Variants in WWOX observed in about 807,000 individuals in gnomAD.
WWOX encodes WW domain containing oxidoreductase.
In WWOX, 69 loss-of-function variants were observed where a neutral mutation model predicts 46.2. The ratio of observed to expected loss-of-function variants is 1.49; its 90% CI spans 1.23 to 1.82. The LOEUF (loss-of-function observed/expected upper bound fraction) is 1.82. Ranked by LOEUF, WWOX falls within the 40% of genes most tolerant of loss-of-function variation. The pLI, the probability that WWOX is intolerant of heterozygous loss-of-function variation, is 0.00. For synonymous variants in WWOX, 359 were observed against 202.6 expected (o/e 1.77, Z -6.56); for missense variants, 919 against 542.6 (o/e 1.69, Z -6.89).
chr16:78,970,556 C>T (rs1003940909), intron 8 of WWOX, among the ~76,000 whole-genome samples: 1 of 152,086 alleles, frequency 6.6e-6, no homozygotes, highest in Non-Finnish European at 1.5e-5. Flanking sequence ...AGACCCTCAC[C>T]AAGTATGGAA....
intron 8 of WWOX, among the ~76,000 whole-genome samples, chr16:78,661,924 G>C (rs1209695073): frequency 6.6e-6 from 1 of 152,164 alleles, no homozygotes; most frequent in Non-Finnish European, 1.5e-5. Context: ...TGCATCTGTG[G>C]TCTGAGCTAC....
intron 8 of WWOX, among the ~76,000 whole-genome samples, chr16:79,139,662 G>GT (rs1377136981): frequency 6.6e-6 from 1 of 151,584 alleles, no homozygotes; most frequent in Non-Finnish European, 1.5e-5. Flanking sequence ...TTGTTGAAAT[G>GT]TTTTTAAAAT....
intron 8 of WWOX, among the ~76,000 whole-genome samples, chr16:78,686,037 G>C (rs970448219): frequency 1.1e-4 from 17 of 152,148 alleles, no homozygotes; most frequent in African/African-American, 3.6e-4. Context: ...GAAATAAAGA[G>C]AATGAGATAA....
intron 8 of WWOX, among the ~76,000 whole-genome samples, chr16:78,888,218 G>A (rs994279086): frequency 2.6e-5 from 4 of 152,200 alleles, no homozygotes; most frequent in Non-Finnish European, 5.9e-5. Context: ...TACCCAAGGT[G>A]TTGGGCAACT....
chr16:78,332,352 G>A (rs2080778367), intron 5 of WWOX, among the ~76,000 whole-genome samples: 1 of 152,196 alleles, frequency 6.6e-6, no homozygotes, highest in African/African-American at 2.4e-5. Flanking sequence ...AGTGGATTAT[G>A]AGTGCCTTCT....
At chr16:78,597,208 G>A (rs778592094) in intron 8 of WWOX, among the ~76,000 whole-genome samples, 11 of 152,172 alleles carry the variant, frequency 7.2e-5, no homozygotes, top group African/African-American at 1.7e-4. Context: ...AAAGTCCCCA[G>A]GAGCTGTTGG....
At chr16:78,571,978 G>A (rs1473684179) in intron 8 of WWOX, among the ~76,000 whole-genome samples, 1 of 152,186 alleles carries the variant, frequency 6.6e-6, no homozygotes, top group Non-Finnish European at 1.5e-5. Context: ...TGGAGAAATA[G>A]GGAATTTTAT....
At chr16:78,149,101 C>A (rs1277508021) in intron 4 of WWOX, among the ~76,000 whole-genome samples, 1 of 152,014 alleles carries the variant, frequency 6.6e-6, no homozygotes, top group Non-Finnish European at 1.5e-5. Context: ...AAGTGATCCT[C>A]CTGCCTTGGC....
chr16:78,795,751 C>T (rs1002803754), intron 8 of WWOX, among the ~76,000 whole-genome samples: 1 of 152,214 alleles, frequency 6.6e-6, no homozygotes, highest in Admixed American at 6.5e-5. Flanking sequence ...GGTTTTTCAT[C>T]TGTAAATGGG....
intron 6 of WWOX, among the ~76,000 whole-genome samples, chr16:78,390,595 A>G (rs1395688075): frequency 6.6e-6 from 1 of 152,198 alleles, no homozygotes; most frequent in Non-Finnish European, 1.5e-5. Context: ...AAAAAGCGAG[A>G]GATTTTACTT....
intron 8 of WWOX, among the ~76,000 whole-genome samples, chr16:78,833,034 CT>C (rs35798902): frequency 0.013 from 1,882 of 139,502 alleles, 16 homozygotes; most frequent in South Asian, 0.029. Flanking sequence ...TTCTCTCGAT[CT>C]TTTTTTTTTT....
At position 78,916,931 on chromosome 16, in the gene WWOX, C is replaced by G. The variant is rs1337251717; in HGVS notation, c.1057-294677C>G. On this transcript the variant is annotated intron_variant, in intron 8 of 8. Coordinates refer to ENST00000566780, the MANE Select transcript of WWOX (RefSeq NM_016373.4). The stretch of plus-strand genomic sequence containing the variant: ...GTAAGGGGATCAGGTAAAGCTTGAC[C>G]CAGGGGCTAAACTTTAAGGACCTGG... Among the ~76,000 whole-genome samples the G allele has an allele frequency of 5.3e-5, 8 of 150,344 alleles. No individual in the cohort carries two copies. The East Asian group carries it at 1.3e-3, about 25-fold the overall frequency.
chr16:78,261,665 C>G (rs2151837291), intron 5 of WWOX, among the ~76,000 whole-genome samples: 1 of 149,686 alleles, frequency 6.7e-6, no homozygotes, highest in Middle Eastern at 3.4e-3. Context: ...AGAACAATCT[C>G]AGATCTCAGC....
intron 8 of WWOX, among the ~76,000 whole-genome samples, chr16:78,444,185 C>T (rs74030259): frequency 0.016 from 2,439 of 152,232 alleles, 62 homozygotes; most frequent in African/African-American, 0.055. Context: ...AGCTCCGTGC[C>T]GGGCTCTGTG....
intron 8 of WWOX, among the ~76,000 whole-genome samples, chr16:78,634,830 G>C (rs2046526595): frequency 1.8e-5 from 2 of 111,370 alleles, no homozygotes; most frequent in Non-Finnish European, 3.9e-5. Flanking sequence ...GAGAGAGAGA[G>C]AGAGAGAGTG....
rs12444018 is a variant in WWOX at position 78,563,848 on chromosome 16, T to C, written c.1056+131096T>C. ...TCCTTGCACTGTGAAATTGTAGATC[T>C]CGCCCTCCAAAGGTGAAGTTCGTTT... On this transcript the variant is annotated intron_variant, in intron 8 of 8. Coordinates refer to ENST00000566780, the MANE Select transcript of WWOX (RefSeq NM_016373.4). Among the ~76,000 whole-genome samples the C allele has an allele frequency of 8.8e-3, 1,335 of 152,290 alleles. 7 individuals carry two copies. The highest frequency in any genetic ancestry group is 0.018 in the South Asian group (88 of 4,820).
At chr16:78,658,605 C>G (rs928543702) in intron 8 of WWOX, among the ~76,000 whole-genome samples, 1 of 152,166 alleles carries the variant, frequency 6.6e-6, no homozygotes, top group Admixed American at 6.5e-5. Flanking sequence ...GCCATTAATC[C>G]TTGACATTCG....
intron 8 of WWOX, among the ~76,000 whole-genome samples, chr16:78,981,296 C>A (rs1211532795): frequency 6.6e-6 from 1 of 152,006 alleles, no homozygotes; most frequent in Non-Finnish European, 1.5e-5. Flanking sequence ...ATCTAATGAT[C>A]TTTACGGGAA....
chr16:79,011,613 C>T (rs770569542), intron 8 of WWOX, among the ~76,000 whole-genome samples: 1 of 151,746 alleles, frequency 6.6e-6, no homozygotes. Context: ...CCACTTCAGC[C>T]TCCCAAGTAA....
Sources: gnomAD v4.1 joint callset for allele counts (sites outside exome capture counted in the v4.1 genomes callset) on GRCh38, gnomAD v4.1.1 for gene constraint, MANE v1.5 for transcripts, NCBI Gene and HGNC (gene_info 2026-07-23, HGNC 2026-07-21) for gene names.